MYEF2: variants seen among roughly 807,000 people sequenced by gnomAD.
MYEF2 encodes myelin gene expression factor 2.
In MYEF2, 37 loss-of-function variants were observed where a neutral mutation model predicts 75.2. The observed-to-expected ratio is 0.49, with a 90% CI of 0.38 to 0.65. The LOEUF (loss-of-function observed/expected upper bound fraction) is 0.65. MYEF2 is among the 30% of genes least tolerant of loss of function. The pLI, the probability that MYEF2 is intolerant of heterozygous loss-of-function variation, is 0.00. For synonymous variants in MYEF2, 195 were observed against 241.6 expected, an observed-to-expected ratio of 0.81 and a Z score of 1.79; for missense variants, 634 against 771.4, an observed-to-expected ratio of 0.82 and a Z score of 2.11.
chr15:48,151,662 G>A (rs371929291), intron 12 of MYEF2, 91 bp from the exon 13 acceptor site: 28 of 1,288,610 alleles, frequency 2.2e-5, no homozygotes, highest in African/African-American at 6.0e-5. Context: ...GAAAAGACGC[G>A]TAAGTCACAA....
rs1219681648 is a variant in MYEF2 at position 48,153,887 on chromosome 15, A to G, written c.992T>C (p.Leu331Pro). The G allele has an allele frequency of 6.2e-7, 1 of 1,612,244 alleles. No individual in the cohort carries two copies. The highest frequency in any genetic ancestry group is 8.5e-7 in the Non-Finnish European group (1 of 1,179,014). ...DGKTPQLPRG[L>P]GGIGMGLGPG... ...ACCAAGTCCCATCCCAATGCCTCCA[A>G]GACCACCTAAAACAAAAATGAGAAC... The change falls in exon 10 of 17, where the codon CTT (leucine) becomes CCT (proline). Residue 331 changes from leucine to proline, a missense_variant. Coordinates refer to ENST00000324324, the MANE Select transcript of MYEF2 (RefSeq NM_016132.5).
rs1302161384 is a variant in MYEF2, at chr15:48,138,713, G to A, written c.*4195C>T. On this transcript the variant is annotated 3_prime_UTR_variant, in exon 17 of 17. Transcript: ENST00000324324. Reference sequence around the variant, plus strand: ...AAACACTATCTACAATATATTTAACGAATGGCCCAAGACATTTTTATAGAT... The same window carrying A: ...AAACACTATCTACAATATATTTAACAAATGGCCCAAGACATTTTTATAGAT... 33 of 388,372 alleles carry A rather than the reference G, an allele frequency of 8.5e-5. No individual in the cohort carries two copies. The Admixed American group carries it at 8.8e-4, about 10-fold the overall frequency. 24.1% of individuals were successfully genotyped at this position (388,372 alleles called of 1,614,324 possible).
chr15:48,172,335 G>T (rs1006545211), intron 1 of MYEF2, among the ~76,000 whole-genome samples: 1 of 151,332 alleles, frequency 6.6e-6, no homozygotes, highest in South Asian at 2.1e-4. Context: ...AGGAGGCAGA[G>T]GTTGCAGTGA....
chr15:48,141,120 A>G lies in MYEF2; in HGVS notation c.*1788T>C, dbSNP rs1037689487. 1.9e-6 allele frequency: 3 copies of G among 1,611,956 alleles called. No homozygotes were observed. In the Admixed American group the frequency reaches 5.0e-5, roughly 27 times the overall value. ...AATATCTGTTTATTACAGGGGAAAC[A>G]CTAGAAATTCCCGATACAGTAATGG... On this transcript the variant is annotated 3_prime_UTR_variant, in exon 17 of 17. Coordinates refer to ENST00000324324, the MANE Select transcript of MYEF2 (RefSeq NM_016132.5).
rs1298005877 is a variant in MYEF2, at chr15:48,142,881, T to C, written c.*27A>G. On this transcript the variant is annotated 3_prime_UTR_variant, in exon 17 of 17. Transcript: ENST00000324324. ...ACTAGGAGATTCAGCAAAACAGATGTAGGAATGTTCCAACCATGGCTTGAA... is the reference window on the plus strand; with the variant it reads ...ACTAGGAGATTCAGCAAAACAGATGCAGGAATGTTCCAACCATGGCTTGAA... The C allele has an allele frequency of 2.5e-6, 4 of 1,573,842 alleles. 1 individual carries two copies. Among genetic ancestry groups the C allele is most frequent in the Non-Finnish European group, 3.4e-6 (4 of 1,162,818 alleles).
Position 48,158,796 on chromosome 15 carries a change from G to T in MYEF2, c.844C>A (p.Gln282Lys), listed in dbSNP as rs1418047346. Residue 282 changes from glutamine (Q) to lysine (K), a missense_variant, in exon 7 of 17, where the codon CAA (glutamine) becomes AAA (lysine). Physicochemically the swap from Gln to Lys is moderately conservative, Grantham distance 53 (BLOSUM62 1). Coordinates refer to ENST00000324324, the MANE Select transcript of MYEF2 (RefSeq NM_016132.5). ...ATTGCTTGAACTGCTTCAATTGCTT[G>T]CTCAAAAGTGACAGTGCCCATTCCT... ...SRGMGTVTFE[Q>K]AIEAVQAISM... The T allele has an allele frequency of 6.2e-7, 1 of 1,613,632 alleles. No individual in the cohort carries two copies. The highest frequency in any genetic ancestry group is 1.7e-5 in the Admixed American group (1 of 59,978).
intron 2 of MYEF2, among the ~76,000 whole-genome samples, chr15:48,167,767 C>T (rs998539129): frequency 1.3e-5 from 2 of 152,114 alleles, no homozygotes; most frequent in African/African-American, 4.8e-5. Flanking sequence ...GGTCAGCCTA[C>T]ACACAACAGC....
chr15:48,145,370 A>G (rs762035948), intron 16 of MYEF2, among the ~76,000 whole-genome samples: 8 of 151,912 alleles, frequency 5.3e-5, no homozygotes, highest in Admixed American at 1.3e-4. Flanking sequence ...GCTGATTAAA[A>G]TCAAACCTGC....
Position 48,151,291 on chromosome 15 carries a change from G to C in MYEF2, c.1307-120C>G, listed in dbSNP as rs142657518. The C allele has an allele frequency of 4.1e-4, 428 of 1,054,658 alleles. 4 individuals are homozygous for C. The East Asian group carries it at 9.3e-3, about 23-fold the overall frequency. The allele number at this position is 1,054,658 out of a possible 1,614,324, so 65.3% of individuals were successfully genotyped here. A position where few individuals can be genotyped will look rare whatever the true frequency, so the allele number is the denominator to read the frequency against. On this transcript the variant is annotated intron_variant, in intron 13 of 16. Transcript: ENST00000324324. ...AAAAGCATAAAGTCTTCTGAAAATAGAGTTCAAATATGTAAGATGTTGAAA... is the reference window on the plus strand; with the variant it reads ...AAAAGCATAAAGTCTTCTGAAAATACAGTTCAAATATGTAAGATGTTGAAA...
chr15:48,174,499 C>T (rs191955182), intron 1 of MYEF2, among the ~76,000 whole-genome samples: 1 of 150,872 alleles, frequency 6.6e-6, no homozygotes, highest in Non-Finnish European at 1.5e-5. Flanking sequence ...GGAAACTCAA[C>T]AAAATAAAAA....
At chr15:48,163,403 G>A (rs1392910828) in intron 5 of MYEF2, among the ~76,000 whole-genome samples, 1 of 152,186 alleles carries the variant, frequency 6.6e-6, no homozygotes, top group East Asian at 1.9e-4. Context: ...TGAGAGAGGT[G>A]AGAAAGCTGC....
At chr15:48,155,604 C>T (rs1161925345) in intron 9 of MYEF2, among the ~76,000 whole-genome samples, 6 of 151,358 alleles carry the variant, frequency 4.0e-5, no homozygotes, top group African/African-American at 1.5e-4. Flanking sequence ...TATGGTAGGC[C>T]ATCCATAAGT....
intron 5 of MYEF2, among the ~76,000 whole-genome samples, chr15:48,163,274 C>T (rs1023561723): frequency 1.3e-5 from 2 of 152,204 alleles, no homozygotes; most frequent in Non-Finnish European, 2.9e-5. Flanking sequence ...GTGCTTATAA[C>T]ATTTCAGTGG....
At position 48,137,058 on chromosome 15, in the gene MYEF2, TAA is replaced by T; in HGVS notation, c.*5848_*5849del. ...CAGCAAGTATTGTGTGCTTTTTATG[TAA>T]AAAAGACTGTGAAGACTCAGAAATG... On this transcript the variant is annotated 3_prime_UTR_variant, in exon 17 of 17. Transcript: ENST00000324324. 1 of 1,315,950 alleles carries T rather than the reference TAA, an allele frequency of 7.6e-7. No individual in the cohort carries two copies. The highest frequency in any genetic ancestry group is 1.0e-6 in the Non-Finnish European group (1 of 970,402). The allele number at this position is 1,315,950 out of a possible 1,614,324, so 81.5% of individuals were successfully genotyped here. A position where few individuals can be genotyped will look rare whatever the true frequency, so the allele number is the denominator to read the frequency against.
chr15:48,141,102 G>GTAAC lies in MYEF2; in HGVS notation c.*1805_*1806insGTTA. ...TTAAGATTTGTAACTTGAAATATCT[G>GTAAC]TTTATTACAGGGGAAACACTAGAAA... On this transcript the variant is annotated 3_prime_UTR_variant, in exon 17 of 17. Coordinates refer to ENST00000324324, the MANE Select transcript of MYEF2 (RefSeq NM_016132.5). 1 of 1,600,110 alleles carries GTAAC rather than the reference G, an allele frequency of 6.2e-7. No homozygotes were observed. The highest frequency in any genetic ancestry group is 8.6e-7 in the Non-Finnish European group (1 of 1,168,150).
At chr15:48,175,710 T>C (rs1451398852) in intron 1 of MYEF2, among the ~76,000 whole-genome samples, 1 of 152,114 alleles carries the variant, frequency 6.6e-6, no homozygotes, top group African/African-American at 2.4e-5. Flanking sequence ...TACCCTAATA[T>C]AACTCTCAAT....
In MYEF2 at chr15:48,138,795, G is replaced by C. The variant is rs2038966031; in HGVS notation, c.*4113C>G. On this transcript the variant is annotated 3_prime_UTR_variant, in exon 17 of 17. Transcript: ENST00000324324. The stretch of plus-strand genomic sequence containing the variant: ...CACATCTTACATTGTCTGCCCTAAA[G>C]TTTCAATTAGTTTCTTTTCACCAGC... 4.1e-5 allele frequency: 24 copies of C among 580,764 alleles called. No homozygotes were observed. The highest frequency in any genetic ancestry group is 3.7e-4 in the South Asian group (16 of 43,522). 36.0% of individuals were successfully genotyped at this position (580,764 alleles called of 1,614,324 possible). A position where few individuals can be genotyped will look rare whatever the true frequency, so the allele number is the denominator to read the frequency against.
chr15:48,161,366 T>C (rs1042764494), intron 5 of MYEF2, among the ~76,000 whole-genome samples: 1 of 151,962 alleles, frequency 6.6e-6, no homozygotes, highest in Non-Finnish European at 1.5e-5. Flanking sequence ...TTAAGGAACA[T>C]TGGAAATACA....
chr15:48,158,127 TA>T, intron 8 of MYEF2, 47 bp downstream of exon 8: 1 of 1,611,424 alleles, frequency 6.2e-7, no homozygotes, highest in Non-Finnish European at 8.5e-7. Flanking sequence ...AGAGAGCCAA[TA>T]AAAGATCTGA....
Sources: gnomAD v4.1 joint callset for allele counts (sites outside exome capture counted in the v4.1 genomes callset) on GRCh38, gnomAD v4.1.1 for gene constraint, MANE v1.5 for transcripts, NCBI Gene and HGNC (gene_info 2026-07-23, HGNC 2026-07-21) for gene names.